PDZD2: variants seen among roughly 807,000 people sequenced by gnomAD.
The protein encoded by PDZD2 is PDZ domain-containing protein 2.
Under a neutral mutation model 220.7 loss-of-function variants are expected in PDZD2, and 90 were observed. The ratio of observed to expected loss-of-function variants is 0.41; its 90% CI spans 0.34 to 0.49. The LOEUF (loss-of-function observed/expected upper bound fraction) is 0.49, where lower values mean the gene tolerates loss of function less well. Among genes scored for constraint, PDZD2 ranks in the 20% least tolerant of loss-of-function variants. The pLI is 0.28. For missense variants in PDZD2, 3,174 were observed against 3,608.5 expected, an observed-to-expected ratio of 0.88 and a Z score of 3.08; for synonymous variants, 1,375 against 1,450.5, an observed-to-expected ratio of 0.95 and a Z score of 1.18.
intron 2 of PDZD2, among the ~76,000 whole-genome samples, chr5:31,818,992 G>A (rs1337253006): frequency 6.6e-6 from 1 of 152,180 alleles, no homozygotes; most frequent in African/African-American, 2.4e-5. Context: ...CCATGTGCAT[G>A]AGATAGAATG....
rs867038190 is a variant in PDZD2 at position 32,098,183 on chromosome 5, G to A, written c.7948-181G>A. Among the ~76,000 whole-genome samples, 5 of 152,206 alleles carry A rather than the reference G, an allele frequency of 3.3e-5. No homozygotes were observed. The South Asian group carries it at 8.3e-4, about 25-fold the overall frequency. On this transcript the variant is annotated intron_variant, in intron 22 of 24. Transcript: ENST00000438447. This position sits in a 1 kb window ranked among gnomAD's most constrained non-coding sequence, Gnocchi z 4.1. The stretch of plus-strand genomic sequence containing the variant: ...TGAGGCAGGAGAATCGCTTGAACCC[G>A]GGAGGCTGAGATTGCACCACTGTAC...
At chr5:31,826,750 A>G (rs535714486) in intron 2 of PDZD2, among the ~76,000 whole-genome samples, 1 of 152,272 alleles carries the variant, frequency 6.6e-6, no homozygotes, top group Admixed American at 6.5e-5. Flanking sequence ...ATCAGATATT[A>G]CCCAAATGAG....
At chr5:31,905,203 A>G (rs1253888390) in intron 2 of PDZD2, among the ~76,000 whole-genome samples, 1 of 151,834 alleles carries the variant, frequency 6.6e-6, no homozygotes, top group East Asian at 1.9e-4. Flanking sequence ...CTGGTCTCAA[A>G]CTCCTGGCCT....
intron 3 of PDZD2, among the ~76,000 whole-genome samples, chr5:31,986,614 GA>G (rs1750740685): frequency 9.6e-6 from 1 of 104,410 alleles, no homozygotes; most frequent in Admixed American, 1.5e-4. Flanking sequence ...GGAATTTCGA[GA>G]AAAACAGAAA....
intron 1 of PDZD2, among the ~76,000 whole-genome samples, chr5:31,731,721 A>C (rs1749548239): frequency 1.3e-5 from 2 of 152,230 alleles, no homozygotes; most frequent in Admixed American, 1.3e-4. Context: ...ATGTGGATGC[A>C]CCACATTTTG....
intron 1 of PDZD2, chr5:31,738,442 GTTC>G: frequency 6.6e-6 from 1 of 152,362 alleles, no homozygotes; most frequent in East Asian, 1.9e-4. Context: ...TATAGCGCCA[GTTC>G]TTCTTACAGC....
chr5:31,876,453 T>G (rs986113679), intron 2 of PDZD2, among the ~76,000 whole-genome samples: 1 of 151,980 alleles, frequency 6.6e-6, no homozygotes, highest in Non-Finnish European at 1.5e-5. Context: ...CCCTCATGCC[T>G]GGCTAATTTT....
At chr5:31,935,086 T>C (rs1361381339) in intron 2 of PDZD2, among the ~76,000 whole-genome samples, 1 of 25,140 alleles carries the variant, frequency 4.0e-5, no homozygotes, top group East Asian at 1.2e-3. Flanking sequence ...AGACCCTGTC[T>C]CAAAAAAAAA....
chr5:31,746,024 G>A (rs1750586895), intron 1 of PDZD2, among the ~76,000 whole-genome samples: 1 of 152,156 alleles, frequency 6.6e-6, no homozygotes, highest in South Asian at 2.1e-4. Context: ...GAGAGCAGCA[G>A]AAGCAACCAA....
chr5:32,104,740 A>AC (rs1398736968), intron 24 of PDZD2, among the ~76,000 whole-genome samples: 15 of 149,740 alleles, frequency 1.0e-4, no homozygotes, highest in Non-Finnish European at 1.9e-4. Context: ...AAAAAAAAAA[A>AC]AAAAAACATA....
chr5:31,661,452 G>A (rs991599307), intron 1 of PDZD2: 4 of 152,200 alleles, frequency 2.6e-5, no homozygotes, highest in African/African-American at 9.6e-5. Context: ...CACCAGGTGG[G>A]AGGAAAGGAG....
intron 2 of PDZD2, among the ~76,000 whole-genome samples, chr5:31,815,029 G>A (rs1278137200): frequency 2.0e-5 from 3 of 151,588 alleles, no homozygotes; most frequent in African/African-American, 7.3e-5. Flanking sequence ...GATCACCTGA[G>A]ATCAGGAGTT....
In PDZD2 at chr5:32,087,942, C is replaced by T. The variant is rs369323791; in HGVS notation, c.4494C>T (p.Ala1498=). 1.9e-6 allele frequency: 3 copies of T among 1,613,944 alleles called. No individual in the cohort carries two copies. Among genetic ancestry groups the T allele is most frequent in the Non-Finnish European group, 2.5e-6 (3 of 1,179,938 alleles). The part of the protein sequence containing the change: ...AAGAPAYPQW[A]SQPSVLDSIN... ...GTGCCCCCGCCTACCCACAATGGGC[C>T]TCCCAGCCTTCGGTTTTAGATTCAA... Residue 1498 remains alanine, a synonymous_variant, in exon 20 of 25, where the codon GCC becomes GCT. Coordinates refer to ENST00000438447, the MANE Select transcript of PDZD2 (RefSeq NM_178140.4). The surrounding 1 kb of genome is among the most constrained non-coding windows in gnomAD (Gnocchi z 4.0).
intron 1 of PDZD2, among the ~76,000 whole-genome samples, chr5:31,739,538 A>C (rs945150940): frequency 1.3e-5 from 2 of 152,236 alleles, no homozygotes; most frequent in African/African-American, 4.8e-5. Flanking sequence ...AGGAGACTTC[A>C]AAAAGTTAGC....
intron 1 of PDZD2, among the ~76,000 whole-genome samples, chr5:31,749,756 G>A (rs907059986): frequency 3.9e-5 from 6 of 152,112 alleles, no homozygotes; most frequent in African/African-American, 9.7e-5. Flanking sequence ...CACCTTCCTG[G>A]TGCTCAGCTG....
At chr5:32,025,140 G>A (rs1754532909) in intron 6 of PDZD2, among the ~76,000 whole-genome samples, 1 of 152,122 alleles carries the variant, frequency 6.6e-6, no homozygotes, top group Non-Finnish European at 1.5e-5. Flanking sequence ...TAGAAAGAAA[G>A]GAAGGAAAAA....
chr5:31,643,167 T>A (rs1745012516), intron 1 of PDZD2, among the ~76,000 whole-genome samples: 1 of 152,086 alleles, frequency 6.6e-6, no homozygotes, highest in African/African-American at 2.4e-5. Context: ...TTTCGAACAG[T>A]GTGTCCAGAA....
At chr5:31,683,554 TAGAA>T (rs1227162308) in intron 1 of PDZD2, among the ~76,000 whole-genome samples, 8 of 152,222 alleles carry the variant, frequency 5.3e-5, no homozygotes, top group Non-Finnish European at 1.2e-4. Context: ...TACATTTACA[TAGAA>T]GGATAATAAA....
At chr5:31,939,785 C>T (rs1253234540) in intron 2 of PDZD2, among the ~76,000 whole-genome samples, 1 of 152,166 alleles carries the variant, frequency 6.6e-6, no homozygotes, top group Non-Finnish European at 1.5e-5. Context: ...CTCCCTTTGG[C>T]TATGGAAACA....
Sources: gnomAD v4.1 joint callset for allele counts (sites outside exome capture counted in the v4.1 genomes callset) on GRCh38, gnomAD v4.1.1 for gene constraint, Gnocchi (gnomAD v3.1) non-coding constraint, MANE v1.5 for transcripts, NCBI Gene and HGNC (gene_info 2026-07-23, HGNC 2026-07-21) for gene names.